The following JAK2 variants were observed in gnomAD, a reference collection of about 807,000 sequenced individuals.
The protein encoded by JAK2 is tyrosine-protein kinase JAK2.
A neutral mutation model predicts 139.3 loss-of-function variants in JAK2; 86 were observed. The observed-to-expected ratio is 0.62, with a 90% CI of 0.52 to 0.74. The LOEUF is 0.74. Among genes scored for constraint, JAK2 ranks in the 30% least tolerant of loss-of-function variants. The pLI is 0.00. For synonymous variants in JAK2, 490 were observed against 437.7 expected, an observed-to-expected ratio of 1.12 and a Z score of -1.49; for missense variants, 1,421 against 1,360.3, an observed-to-expected ratio of 1.04 and a Z score of -0.70.
chr9:5,028,420 T>C (rs777490319), intron 3 of JAK2, among the ~76,000 whole-genome samples: 5 of 152,222 alleles, frequency 3.3e-5, no homozygotes, highest in Non-Finnish European at 2.9e-5. Flanking sequence ...GGCAGGGTAA[T>C]TGAGCATAGT....
At chr9:5,001,477 G>C (rs1181314319) in intron 2 of JAK2, among the ~76,000 whole-genome samples, 1 of 152,100 alleles carries the variant, frequency 6.6e-6, no homozygotes, top group Admixed American at 6.6e-5. Context: ...CTGTTAATGA[G>C]GTAAATTGCA....
chr9:5,014,858 CCTGT>C (rs1821937317), intron 2 of JAK2, among the ~76,000 whole-genome samples: 1 of 152,168 alleles, frequency 6.6e-6, no homozygotes, highest in Admixed American at 6.5e-5. Flanking sequence ...TAGCTATTCT[CCTGT>C]CTATCTTGCA....
intron 3 of JAK2, among the ~76,000 whole-genome samples, chr9:5,026,495 C>T (rs767940920): frequency 1.7e-4 from 26 of 152,032 alleles, no homozygotes; most frequent in Admixed American, 3.3e-4. Flanking sequence ...TCATTTGTGC[C>T]GTTTCTATCT....
At chr9:5,064,047 T>G (rs1488880992) in intron 8 of JAK2, among the ~76,000 whole-genome samples, 1 of 152,132 alleles carries the variant, frequency 6.6e-6, no homozygotes, top group Non-Finnish European at 1.5e-5. Context: ...TCCCAGCTTT[T>G]TGGGAGACTG....
At chr9:5,125,470 T>C (rs1397417741) in intron 23 of JAK2, among the ~76,000 whole-genome samples, 2 of 151,466 alleles carry the variant, frequency 1.3e-5, no homozygotes, top group African/African-American at 4.8e-5. Flanking sequence ...TCAGTGAACA[T>C]AGTGAACATC....
intron 4 of JAK2, among the ~76,000 whole-genome samples, chr9:5,036,851 A>C (rs936810307): frequency 2.0e-5 from 3 of 152,262 alleles, no homozygotes; most frequent in Non-Finnish European, 2.9e-5. Flanking sequence ...CAAAAGCCAG[A>C]ATTGACAAAT....
intron 4 of JAK2, chr9:5,041,859 C>A (rs1225737345): frequency 6.5e-6 from 3 of 462,186 alleles, no homozygotes; most frequent in East Asian, 1.2e-4. Context: ...CGCGGACGAC[C>A]CCATGGCCGG....
chr9:5,089,376 A>C (rs1315995845), intron 19 of JAK2, among the ~76,000 whole-genome samples: 1 of 151,932 alleles, frequency 6.6e-6, no homozygotes, highest in Non-Finnish European at 1.5e-5. Context: ...GTCTCTACTA[A>C]ATATACAAAA....
intron 9 of JAK2, among the ~76,000 whole-genome samples, chr9:5,065,415 C>T (rs1167799991): frequency 6.6e-6 from 1 of 152,154 alleles, no homozygotes; most frequent in Non-Finnish European, 1.5e-5. Context: ...CCATCTCCTT[C>T]TACTGAAAGG....
intron 22 of JAK2, chr9:5,099,775 T>C (rs898502572): frequency 6.6e-6 from 1 of 152,162 alleles, no homozygotes; most frequent in African/African-American, 2.4e-5. Context: ...TATAATAATA[T>C]CCCTAATTAT....
intron 18 of JAK2, among the ~76,000 whole-genome samples, chr9:5,081,113 T>G (rs922568727): frequency 2.0e-5 from 3 of 151,992 alleles, no homozygotes; most frequent in Non-Finnish European, 4.4e-5. Context: ...GCCAGGATGG[T>G]CTCGATCTCC....
At chr9:5,064,470 C>T (rs1239565029) in intron 8 of JAK2, among the ~76,000 whole-genome samples, 1 of 149,130 alleles carries the variant, frequency 6.7e-6, no homozygotes, top group Non-Finnish European at 1.5e-5. Context: ...GTGGAGGTTG[C>T]AGTGAGCCAA....
intron 2 of JAK2, among the ~76,000 whole-genome samples, chr9:4,988,507 G>T (rs1820087746): frequency 6.6e-6 from 1 of 152,180 alleles, no homozygotes; most frequent in Non-Finnish European, 1.5e-5. Context: ...TGGCCTGGGG[G>T]TGTCGTGAAA....
chr9:5,047,149 A>G (rs1817065683), intron 5 of JAK2, among the ~76,000 whole-genome samples: 1 of 152,198 alleles, frequency 6.6e-6, no homozygotes, highest in Admixed American at 6.5e-5. Context: ...TTGTGCCCAG[A>G]AAATATGATA....
At chr9:5,126,185 G>A (rs534538172) in intron 23 of JAK2, 148 bp from the exon 24 acceptor site, 247 of 555,984 alleles carry the variant, frequency 4.4e-4, no homozygotes, top group Non-Finnish European at 7.3e-4. Flanking sequence ...TTATGTTTTT[G>A]ATCCTAAAAG....
At chr9:5,083,308 A>G (rs1819844417) in intron 19 of JAK2, among the ~76,000 whole-genome samples, 1 of 152,182 alleles carries the variant, frequency 6.6e-6, no homozygotes, top group African/African-American at 2.4e-5. Flanking sequence ...CCTACATATT[A>G]TAAGTAAGAC....
At chr9:5,112,438 G>A (rs887246792) in intron 22 of JAK2, 6 of 523,388 alleles carry the variant, frequency 1.1e-5, no homozygotes, top group Middle Eastern at 3.2e-4. Flanking sequence ...GACCACTCAA[G>A]AGGAGAAGAA....
intron 22 of JAK2, chr9:5,112,460 AC>A (rs1448504776): frequency 1.9e-5 from 10 of 536,450 alleles, no homozygotes; most frequent in Admixed American, 8.5e-5. Context: ...GAGCTGAAGG[AC>A]CCCCGGGACC....
intron 22 of JAK2, among the ~76,000 whole-genome samples, chr9:5,121,077 C>G (rs1356918514): frequency 2.6e-5 from 4 of 152,086 alleles, no homozygotes; most frequent in Non-Finnish European, 5.9e-5. Flanking sequence ...TGAAGAGACC[C>G]TGGGAAACCT....
Sources: allele counts gnomAD v4.1 joint callset (sites outside exome capture counted in the v4.1 genomes callset), GRCh38; gene constraint gnomAD v4.1.1; transcripts MANE v1.5; gene names NCBI Gene and HGNC (gene_info 2026-07-23, HGNC 2026-07-21).